APPBP2: variants seen among roughly 807,000 people sequenced by gnomAD.
APPBP2 encodes the protein amyloid protein-binding protein 2.
Under a neutral mutation model 76.0 loss-of-function variants are expected in APPBP2, and 15 were observed. That is an observed-to-expected ratio of 0.20 (90% CI 0.13 to 0.30). The LOEUF is 0.30. Among genes scored for constraint, APPBP2 ranks in the 10% least tolerant of loss-of-function variants. The probability of loss-of-function intolerance (pLI) is 1.00; values close to 1 mark genes in which losing one functional copy is unlikely to be tolerated. For missense variants in APPBP2, 401 were observed against 687.2 expected (o/e 0.58, Z 4.66); for synonymous variants, 222 against 242.2 (o/e 0.92, Z 0.77).
At chr17:60,520,677 G>C (rs1345366300) in intron 1 of APPBP2, among the ~76,000 whole-genome samples, 1 of 151,756 alleles carries the variant, frequency 6.6e-6, no homozygotes, top group Non-Finnish European at 1.5e-5. Context: ...CTTTGTATTT[G>C]GAAAAAACAC....
chr17:60,471,270 T>C (rs369618376), intron 4 of APPBP2, among the ~76,000 whole-genome samples: 1 of 152,180 alleles, frequency 6.6e-6, no homozygotes, highest in South Asian at 2.1e-4. Context: ...AACAAATCTA[T>C]AGTTTTACTT....
intron 1 of APPBP2, among the ~76,000 whole-genome samples, chr17:60,516,589 G>GT (rs2090966042): frequency 6.6e-6 from 1 of 152,034 alleles, no homozygotes; most frequent in Admixed American, 6.6e-5. Flanking sequence ...ATTCTACTAC[G>GT]TGACTATCCC....
chr17:60,455,481 C>CCA (rs1345588921), intron 10 of APPBP2, among the ~76,000 whole-genome samples: 1 of 152,034 alleles, frequency 6.6e-6, no homozygotes, highest in African/African-American at 2.4e-5. Context: ...CATAGGTGAC[C>CCA]CAATCATGTT....
intron 10 of APPBP2, among the ~76,000 whole-genome samples, chr17:60,455,489 G>C (rs2090424516): frequency 6.6e-6 from 1 of 152,190 alleles, no homozygotes; most frequent in Non-Finnish European, 1.5e-5. Context: ...ACCCAATCAT[G>C]TTAGCAAAAT....
intron 8 of APPBP2, 157 bp downstream of exon 8, chr17:60,461,653 C>T: frequency 5.5e-6 from 3 of 542,158 alleles, no homozygotes; most frequent in Non-Finnish European, 9.8e-6. Flanking sequence ...ACTTTTACAC[C>T]TTCTAGGTAA....
Position 60,500,396 on chromosome 17 carries a change from T to C in APPBP2, c.227+3A>G. On this transcript the variant is annotated splice_donor_region_variant and intron_variant, in intron 2 of 12. Coordinates refer to ENST00000083182, the MANE Select transcript of APPBP2 (RefSeq NM_006380.5). ...TTTTACAATTTTTTAAAAAAGAATT[T>C]ACCTTTTATCCAAAGCTCTCAGTAC... The C allele has an allele frequency of 6.3e-7, 1 of 1,582,078 alleles. No individual in the cohort carries two copies. The highest frequency in any genetic ancestry group is 8.6e-7 in the Non-Finnish European group (1 of 1,162,154).
At position 60,464,105 on chromosome 17, in the gene APPBP2, G is replaced by C; in HGVS notation, c.678C>G (p.Tyr226Ter). The change falls in exon 6 of 13, where the codon TAC becomes TAG. Residue 226 changes from tyrosine to a stop codon, truncating the protein, a stop_gained. Transcript: ENST00000083182. LOFTEE classifies it high-confidence loss of function. ...CTTTCATTGCCTCGATGCACCATTT[G>C]TATGCCTAAAAAAATTATTTATAGA... ...LFAKSHYDEA[Y>*]KWCIEAMKEI... 1 of 1,606,454 alleles carries C rather than the reference G, an allele frequency of 6.2e-7. No individual in the cohort carries two copies. Among genetic ancestry groups the C allele is most frequent in the Non-Finnish European group, 8.5e-7 (1 of 1,177,194 alleles).
chr17:60,460,957 T>C, intron 8 of APPBP2, 170 bp from the exon 9 acceptor site: 1 of 443,462 alleles, frequency 2.3e-6, no homozygotes, highest in Non-Finnish European at 3.7e-6. Context: ...CTAGAAGTCC[T>C]GAATTTCTGA....
intron 3 of APPBP2, among the ~76,000 whole-genome samples, chr17:60,490,258 T>C (rs1250091722): frequency 6.6e-6 from 1 of 152,150 alleles, no homozygotes; most frequent in Non-Finnish European, 1.5e-5. Context: ...GTCAATTTCT[T>C]GGTTTTGATA....
chr17:60,449,574 C>A (rs564255339), intron 12 of APPBP2, among the ~76,000 whole-genome samples: 1 of 151,934 alleles, frequency 6.6e-6, no homozygotes, highest in Non-Finnish European at 1.5e-5. Context: ...CCAGCCTGGA[C>A]GACACAGCGA....
At chr17:60,509,366 G>A (rs541542764) in intron 1 of APPBP2, among the ~76,000 whole-genome samples, 5 of 150,376 alleles carry the variant, frequency 3.3e-5, no homozygotes, top group South Asian at 2.1e-4. Flanking sequence ...GCGACAGAGC[G>A]AGACTCCGTC....
chr17:60,494,039 G>T (rs1210145732), intron 3 of APPBP2, among the ~76,000 whole-genome samples: 1 of 152,144 alleles, frequency 6.6e-6, no homozygotes, highest in Non-Finnish European at 1.5e-5. Flanking sequence ...TCATTTTAGA[G>T]ATGGGAAAAC....
Position 60,446,874 on chromosome 17 carries a change from C to G in APPBP2, c.*707G>C, listed in dbSNP as rs1431633130. ...TTAGGCTGGTCCTTTTTAGATCCTCCTGGTCCTGTTAGCAAATGCTATCAG... is the reference window on the plus strand; with the variant it reads ...TTAGGCTGGTCCTTTTTAGATCCTCGTGGTCCTGTTAGCAAATGCTATCAG... On this transcript the variant is annotated 3_prime_UTR_variant, in exon 13 of 13. Transcript: ENST00000083182. 1 of 152,192 alleles carries G rather than the reference C, an allele frequency of 6.6e-6. No individual in the cohort carries two copies. Among genetic ancestry groups the G allele is most frequent in the Non-Finnish European group, 1.5e-5 (1 of 68,016 alleles). 9.4% of individuals were successfully genotyped at this position (152,192 alleles called of 1,614,324 possible).
In APPBP2 at chr17:60,519,456, A is replaced by T. The variant is rs570724786; in HGVS notation, c.138+6338T>A. Among the ~76,000 whole-genome samples the T allele has an allele frequency of 1.4e-4, 22 of 152,044 alleles. 1 individual carries two copies. In the South Asian group the frequency reaches 3.5e-3, roughly 24 times the overall value. On this transcript the variant is annotated intron_variant, in intron 1 of 12. Coordinates refer to ENST00000083182, the MANE Select transcript of APPBP2 (RefSeq NM_006380.5). ...TACGGTCGGTCTCTACAAAAAAAAA[A>T]TTTTTAAGGTTTTTTTTGTTGTTAT...
intron 4 of APPBP2, chr17:60,477,396 T>C (rs1265360283): frequency 2.0e-5 from 3 of 152,188 alleles, no homozygotes; most frequent in African/African-American, 7.2e-5. Flanking sequence ...GAATAATCTA[T>C]GATAAAAATC....
rs925548471 is a variant in APPBP2 at position 60,464,184 on chromosome 17, A to G, written c.673-74T>C. The G allele has an allele frequency of 5.4e-6, 6 of 1,117,694 alleles. No homozygotes were observed. In the African/African-American group the frequency reaches 8.0e-5, roughly 15 times the overall value. The allele number at this position is 1,117,694 out of a possible 1,614,324, so 69.2% of individuals were successfully genotyped here. A position where few individuals can be genotyped will look rare whatever the true frequency, so the allele number is the denominator to read the frequency against. On this transcript the variant is annotated intron_variant, in intron 5 of 12. Transcript: ENST00000083182. ...GACAATATTTAACAAGATGACTGCA[A>G]AATTTTTCTACAAGCACTTAAATAA...
At chr17:60,493,132 C>A (rs557030391) in intron 3 of APPBP2, among the ~76,000 whole-genome samples, 12 of 152,132 alleles carry the variant, frequency 7.9e-5, no homozygotes, top group Non-Finnish European at 1.6e-4. Context: ...TAAGACATGC[C>A]TTCCACCTTC....
rs1478158466 is a variant in APPBP2 at position 60,444,461 on chromosome 17, T to A, written c.*3120A>T. The A allele has an allele frequency of 6.6e-6, 1 of 152,140 alleles. No homozygotes were observed. The highest frequency in any genetic ancestry group is 2.4e-5 in the African/African-American group (1 of 41,452). 9.4% of individuals were successfully genotyped at this position (152,140 alleles called of 1,614,324 possible). ...AGCAGCCAAATGGCACCTTCATTAT[T>A]TCTAAGATCGCAGCCTCTGTACTTA... On this transcript the variant is annotated 3_prime_UTR_variant, in exon 13 of 13. Coordinates refer to ENST00000083182, the MANE Select transcript of APPBP2 (RefSeq NM_006380.5).
Position 60,485,109 on chromosome 17 carries a change from G to A in APPBP2, c.380-5838C>T, listed in dbSNP as rs149098292. The stretch of plus-strand genomic sequence containing the variant: ...GATGTGCTGCTGGATTCAGTTTGCC[G>A]GTATTTTATTGAGGATTTTCGCATC... On this transcript the variant is annotated intron_variant, in intron 3 of 12. Coordinates refer to ENST00000083182, the MANE Select transcript of APPBP2 (RefSeq NM_006380.5). 1.8e-3 allele frequency among the ~76,000 whole-genome samples: 267 copies of A among 152,060 alleles called. 1 individual carries two copies. The highest frequency in any genetic ancestry group is 3.7e-3 in the African/African-American group (153 of 41,490).
Sources: allele counts gnomAD v4.1 joint callset (sites outside exome capture counted in the v4.1 genomes callset), GRCh38; gene constraint gnomAD v4.1.1; transcripts MANE v1.5; gene names NCBI Gene and HGNC (gene_info 2026-07-23, HGNC 2026-07-21).